CDH2: variants seen among roughly 807,000 people sequenced by gnomAD.
The protein encoded by CDH2 is cadherin-2.
Under a neutral mutation model 92.0 loss-of-function variants are expected in CDH2, and 17 were observed. That is an observed-to-expected ratio of 0.18 (90% CI 0.13 to 0.28). The LOEUF (loss-of-function observed/expected upper bound fraction) is 0.28, where lower values mean the gene tolerates loss of function less well. CDH2 is among the 10% of genes least tolerant of loss of function. CDH2 has a pLI of 1.00. For missense variants in CDH2, 862 were observed against 1,133.1 expected, an observed-to-expected ratio of 0.76 and a Z score of 3.44; for synonymous variants, 419 against 415.9, an observed-to-expected ratio of 1.01 and a Z score of -0.09.
rs1055791809 is a variant in CDH2, at chr18:28,159,995, T to C, written c.61-12211A>G. Among the ~76,000 whole-genome samples, 3 of 151,996 alleles carry C rather than the reference T, an allele frequency of 2.0e-5. No homozygotes were observed. In the South Asian group the frequency reaches 6.2e-4, roughly 32 times the overall value. ...TTAACTTGGTGGTTTATAGCCTTGA[T>C]TGTGTAGGGTGGCTGGTTTTTATAG... On this transcript the variant is annotated intron_variant, in intron 1 of 15. Coordinates refer to ENST00000269141, the MANE Select transcript of CDH2 (RefSeq NM_001792.5).
At chr18:28,023,954 A>G (rs2013479805) in intron 2 of CDH2, among the ~76,000 whole-genome samples, 1 of 152,160 alleles carries the variant, frequency 6.6e-6, no homozygotes, top group African/African-American at 2.4e-5. Flanking sequence ...GTAAAATAAG[A>G]AATTCCATAT....
At chr18:27,949,688 C>A (rs1388011716), downstream of CDH2, among the ~76,000 whole-genome samples, 1 of 151,862 alleles carries the variant, frequency 6.6e-6, no homozygotes, top group Non-Finnish European at 1.5e-5. Flanking sequence ...GGACTAGAAA[C>A]TAGATCAACC....
rs149613867 is a variant in CDH2 at position 28,073,032 on chromosome 18, A to G, written c.173-59123T>C. The stretch of plus-strand genomic sequence containing the variant: ...CAATAATGTCACATAAATTACATAG[A>G]CGGTGGCACAGAATTTTTTTTTTCA... On this transcript the variant is annotated intron_variant, in intron 2 of 15. Coordinates refer to ENST00000269141, the MANE Select transcript of CDH2 (RefSeq NM_001792.5). Among the ~76,000 whole-genome samples the G allele has an allele frequency of 1.5e-3, 235 of 152,236 alleles. 6 individuals carry two copies. Among genetic ancestry groups the G allele is most frequent in the African/African-American group, 5.5e-3 (228 of 41,556 alleles).
intron 2 of CDH2, among the ~76,000 whole-genome samples, chr18:28,144,793 G>T (rs1263388555): frequency 2.0e-5 from 3 of 151,996 alleles, no homozygotes; most frequent in Non-Finnish European, 4.4e-5. Context: ...TGTTAAGGTT[G>T]ATCACAGAAC....
chr18:27,978,867 G>T (rs2011942852), intron 14 of CDH2, among the ~76,000 whole-genome samples: 1 of 151,808 alleles, frequency 6.6e-6, no homozygotes, highest in South Asian at 2.1e-4. Context: ...TGTTGCCCAG[G>T]CTGGTCTTGA....
At chr18:28,068,642 T>C (rs1567985908) in intron 2 of CDH2, among the ~76,000 whole-genome samples, 2 of 152,320 alleles carry the variant, frequency 1.3e-5, no homozygotes, top group South Asian at 4.1e-4. Flanking sequence ...TCGAGACTAT[T>C]GACACTTGAT....
At chr18:28,044,850 C>CGTGTGTGTGTGTGTGTGT (rs68093312) in intron 2 of CDH2, among the ~76,000 whole-genome samples, 83 of 148,392 alleles carry the variant, frequency 5.6e-4, no homozygotes, top group Admixed American at 1.3e-3. Context: ...TATATAACAT[C>CGTGTGTGTGTGTGTGTGT]GTGTGTGTGT....
Position 27,936,159 on chromosome 18 carries a change from AT to A in CDH2, c.1152-3036del, listed in dbSNP as rs113269721. ...CTAATGAACAATTGCTGTGATAACC[AT>A]CAGTCAAGGTTAGAAGATCAAAATT... On this transcript the variant is annotated intron_variant, in intron 6 of 6. Coordinates refer to the CDH2 transcript ENST00000675173. Among the ~76,000 whole-genome samples the A allele has an allele frequency of 2.0e-4, 31 of 152,362 alleles. 1 individual carries two copies. Among genetic ancestry groups the A allele is most frequent in the African/African-American group, 7.5e-4 (31 of 41,592 alleles).
chr18:27,995,858 A>C (rs1164231498), intron 7 of CDH2, among the ~76,000 whole-genome samples: 1 of 152,222 alleles, frequency 6.6e-6, no homozygotes, highest in Non-Finnish European at 1.5e-5. Flanking sequence ...CCATTTTCAA[A>C]TGCCAGATTG....
chr18:28,154,106 T>C (rs1384075901), intron 1 of CDH2, among the ~76,000 whole-genome samples: 1 of 152,230 alleles, frequency 6.6e-6, no homozygotes, highest in Non-Finnish European at 1.5e-5. Flanking sequence ...ACGGCACAGC[T>C]ACCTTTTGAC....
At chr18:28,111,051 C>T (rs976042196) in intron 2 of CDH2, among the ~76,000 whole-genome samples, 4 of 152,166 alleles carry the variant, frequency 2.6e-5, no homozygotes, top group South Asian at 2.1e-4. Context: ...GATGGGCCTT[C>T]TTGCTCAGTG....
intron 2 of CDH2, among the ~76,000 whole-genome samples, chr18:28,072,808 G>C (rs1478297592): frequency 6.6e-6 from 1 of 152,212 alleles, no homozygotes; most frequent in Admixed American, 6.5e-5. Flanking sequence ...GCAAAGAGTA[G>C]TATTTGAACA....
intron 2 of CDH2, among the ~76,000 whole-genome samples, chr18:28,124,132 T>TA (rs1197126200): frequency 2.6e-5 from 4 of 152,048 alleles, no homozygotes; most frequent in African/African-American, 9.7e-5. Context: ...ATTTTTTTTT[T>TA]AAGGCTACAC....
rs1385132385 is a variant in CDH2 at position 28,177,105 on chromosome 18, C to T, written c.-83G>A. 2.9e-6 allele frequency: 3 copies of T among 1,043,694 alleles called. No individual in the cohort carries two copies. Among genetic ancestry groups the T allele is most frequent in the Admixed American group, 4.7e-5 (2 of 42,272 alleles). 64.7% of individuals were successfully genotyped at this position (1,043,694 alleles called of 1,614,324 possible). On this transcript the variant is annotated 5_prime_UTR_variant, in exon 1 of 16. Transcript: ENST00000269141. ...GCGGAGGAGGAGGAGGCAGCGGCAG[C>T]ACCAACAGCGGCGCGGAGAAACGGC... is the stretch of plus-strand genomic sequence containing the variant.
intron 1 of CDH2, among the ~76,000 whole-genome samples, chr18:28,157,184 C>G (rs1333812536): frequency 1.3e-5 from 2 of 152,202 alleles, no homozygotes; most frequent in African/African-American, 4.8e-5. Context: ...GATGGCCAAT[C>G]ATGGCTCAGA....
chr18:28,158,943 T>G (rs1309545576), intron 1 of CDH2, among the ~76,000 whole-genome samples: 1 of 152,238 alleles, frequency 6.6e-6, no homozygotes, highest in East Asian at 1.9e-4. Context: ...TTATTTATGT[T>G]ACGCATACAA....
chr18:28,113,099 A>T (rs886256663), intron 2 of CDH2, among the ~76,000 whole-genome samples: 2 of 152,228 alleles, frequency 1.3e-5, no homozygotes, highest in Non-Finnish European at 2.9e-5. Context: ...CTGAATGTGG[A>T]TACTATAGTG....
intron 14 of CDH2, among the ~76,000 whole-genome samples, chr18:27,976,121 A>C (rs1438133291): frequency 6.6e-6 from 1 of 152,194 alleles, no homozygotes; most frequent in African/African-American, 2.4e-5. Context: ...AAACAGGGAC[A>C]GAAGTACTCA....
intron 2 of CDH2, among the ~76,000 whole-genome samples, chr18:28,116,773 A>T (rs2015502560): frequency 6.6e-6 from 1 of 152,154 alleles, no homozygotes; most frequent in Non-Finnish European, 1.5e-5. Flanking sequence ...TGAACTCCTG[A>T]CTTAGAGAAC....
Sources: allele counts gnomAD v4.1 joint callset (sites outside exome capture counted in the v4.1 genomes callset), GRCh38; gene constraint gnomAD v4.1.1; transcripts MANE v1.5; gene names NCBI Gene and HGNC (gene_info 2026-07-23, HGNC 2026-07-21).